FBXW10B: variants seen among roughly 807,000 people sequenced by gnomAD.
The protein encoded by FBXW10B is F-box and WD repeat domain containing protein 10B.
chr17:15,601,724 A>G, the FBXW10B span, among the ~76,000 whole-genome samples: 8 of 152,234 alleles, frequency 5.3e-5, no homozygotes, highest in Non-Finnish European at 7.3e-5. Context: ...TATAAATTCA[A>G]TGCAGCCCAA....
At chr17:15,616,832 A>AAG in the FBXW10B span, among the ~76,000 whole-genome samples, 1 of 138,994 alleles carries the variant, frequency 7.2e-6, no homozygotes, top group Non-Finnish European at 1.5e-5. Flanking sequence ...AAAAAAAAAA[A>AAG]AAGAAGAAGG....
At chr17:15,565,640 C>T in the FBXW10B span, 1 of 1,614,156 alleles carries the variant, frequency 6.2e-7, no homozygotes, top group Non-Finnish European at 8.5e-7. Flanking sequence ...GCTTTGCTGG[C>T]TTTTCCTGGA....
At chr17:15,593,504 GAAC>G in the FBXW10B span, 1 of 1,614,106 alleles carries the variant, frequency 6.2e-7, no homozygotes, top group Non-Finnish European at 8.5e-7. Flanking sequence ...CTCTGGAAGG[GAAC>G]AGAGTAGCAG....
chr17:15,594,991 A>C, the FBXW10B span: 20 of 1,501,820 alleles, frequency 1.3e-5, no homozygotes, highest in African/African-American at 2.8e-5. Context: ...CCCCCAACCA[A>C]TCTGTGACTG....
chr17:15,610,137 C>A, the FBXW10B span, among the ~76,000 whole-genome samples: 1 of 152,136 alleles, frequency 6.6e-6, no homozygotes, highest in Admixed American at 6.5e-5. Context: ...GCTGGGATTA[C>A]AGGCATGAGC....
At chr17:15,584,511 C>T in the FBXW10B span, among the ~76,000 whole-genome samples, 1 of 152,150 alleles carries the variant, frequency 6.6e-6, no homozygotes, top group Non-Finnish European at 1.5e-5. Context: ...ATGTATATTA[C>T]TTTTGTTATA....
chr17:15,601,368 T>C, the FBXW10B span, among the ~76,000 whole-genome samples: 7 of 125,862 alleles, frequency 5.6e-5, no homozygotes, highest in South Asian at 2.4e-4. Flanking sequence ...GAGATCGCAC[T>C]ACCGCACTCT....
chr17:15,602,162 AT>A, the FBXW10B span, among the ~76,000 whole-genome samples: 2 of 152,028 alleles, frequency 1.3e-5, no homozygotes, highest in Non-Finnish European at 2.9e-5. Flanking sequence ...TCCCAGTCAC[AT>A]TTTAAAACAT....
the FBXW10B span, among the ~76,000 whole-genome samples, chr17:15,608,368 G>A: frequency 6.6e-6 from 1 of 151,238 alleles, no homozygotes; most frequent in South Asian, 2.1e-4. Context: ...CACCATGTTA[G>A]CCAGGATGGT....
chr17:15,615,957 C>T, the FBXW10B span: 12 of 1,293,252 alleles, frequency 9.3e-6, no homozygotes, highest in Admixed American at 3.2e-4. Context: ...TATTTGGGGC[C>T]TCCAAACTTC....
chr17:15,588,833 G>A, the FBXW10B span: 17 of 1,605,506 alleles, frequency 1.1e-5, no homozygotes, highest in African/African-American at 1.1e-4. Flanking sequence ...ATCACTCCAC[G>A]TTCTCTGCCT....
At chr17:15,603,486 G>A in the FBXW10B span, among the ~76,000 whole-genome samples, 1 of 151,960 alleles carries the variant, frequency 6.6e-6, no homozygotes, top group Admixed American at 6.6e-5. Context: ...TTAGTAATCA[G>A]GAAAGTTAAA....
chr17:15,615,652 A>G, the FBXW10B span: 1 of 1,613,856 alleles, frequency 6.2e-7, no homozygotes, highest in African/African-American at 1.3e-5. Context: ...TACCAGGGTT[A>G]GATGCTGCCC....
chr17:15,608,249 C>T, the FBXW10B span, among the ~76,000 whole-genome samples: 4 of 147,080 alleles, frequency 2.7e-5, no homozygotes, highest in Admixed American at 2.8e-4. Flanking sequence ...CAACCTCCGC[C>T]CTCCTGGGTT....
the FBXW10B span, among the ~76,000 whole-genome samples, chr17:15,617,460 C>A: frequency 1.3e-5 from 2 of 152,168 alleles, no homozygotes; most frequent in African/African-American, 4.8e-5. Flanking sequence ...AGGCTCAATT[C>A]TCTTGCCTCC....
At chr17:15,599,431 T>C in the FBXW10B span, among the ~76,000 whole-genome samples, 1 of 131,690 alleles carries the variant, frequency 7.6e-6, no homozygotes, top group Admixed American at 8.1e-5. Flanking sequence ...CAGATGGCAA[T>C]AGTGCCAAGG....
the FBXW10B span, among the ~76,000 whole-genome samples, chr17:15,567,934 G>A: frequency 6.6e-6 from 1 of 151,308 alleles, no homozygotes; most frequent in South Asian, 2.1e-4. Context: ...GGAGAAGTAA[G>A]CAAAAACACA....
the FBXW10B span, chr17:15,569,001 A>T: frequency 8.2e-7 from 1 of 1,214,722 alleles, no homozygotes; most frequent in African/African-American, 1.6e-5. Flanking sequence ...CTTCCACTCA[A>T]CTGGCAGATA....
the FBXW10B span, among the ~76,000 whole-genome samples, chr17:15,566,737 T>C: frequency 6.7e-6 from 1 of 150,196 alleles, no homozygotes; most frequent in African/African-American, 2.4e-5. Context: ...ATTTTTTGTA[T>C]TTTTTTTTAG....
Sources: allele counts gnomAD v4.1 joint callset (sites outside exome capture counted in the v4.1 genomes callset), GRCh38; gene constraint gnomAD v4.1.1; transcripts MANE v1.5; gene names NCBI Gene and HGNC (gene_info 2026-07-23, HGNC 2026-07-21).